PTK2: variants seen among roughly 807,000 people sequenced by gnomAD.
The protein encoded by PTK2 is protein tyrosine kinase 2.
Under a neutral mutation model 150.1 loss-of-function variants are expected in PTK2, and 45 were observed. That is an observed-to-expected ratio of 0.30 (90% CI 0.24 to 0.38). The LOEUF (loss-of-function observed/expected upper bound fraction) is 0.38. Ranked by LOEUF, PTK2 falls within the 10% of genes least tolerant of loss-of-function variation. The pLI is 1.00. For synonymous variants in PTK2, 432 were observed against 449.2 expected, an observed-to-expected ratio of 0.96 and a Z score of 0.48; for missense variants, 919 against 1,307.3, an observed-to-expected ratio of 0.70 and a Z score of 4.58.
At chr8:140,673,217 C>T (rs13273349) in intron 29 of PTK2, among the ~76,000 whole-genome samples, 1 of 152,008 alleles carries the variant, frequency 6.6e-6, no homozygotes, top group Non-Finnish European at 1.5e-5. Context: ...AAGTGATTCT[C>T]CTGCCTCAGC....
intron 27 of PTK2, among the ~76,000 whole-genome samples, chr8:140,679,977 G>A (rs900418710): frequency 6.6e-6 from 1 of 152,202 alleles, no homozygotes; most frequent in Non-Finnish European, 1.5e-5. Context: ...AGGCAGTGAA[G>A]TCTGTTGAGC....
intron 7 of PTK2, among the ~76,000 whole-genome samples, chr8:140,834,835 C>G (rs941216416): frequency 6.6e-6 from 1 of 152,228 alleles, no homozygotes; most frequent in Admixed American, 6.5e-5. Flanking sequence ...ATTTAGAACA[C>G]TGCTGACTGA....
intron 14 of PTK2, among the ~76,000 whole-genome samples, chr8:140,775,155 A>C (rs2100077681): frequency 6.6e-6 from 1 of 152,146 alleles, no homozygotes; most frequent in African/African-American, 2.4e-5. Context: ...AGGTAACACC[A>C]TGGTATTTCC....
intron 17 of PTK2, among the ~76,000 whole-genome samples, chr8:140,751,495 T>C (rs1375665662): frequency 6.6e-6 from 1 of 151,478 alleles, no homozygotes; most frequent in African/African-American, 2.4e-5. Context: ...TTTTTCTTTC[T>C]TTCTTTTTTT....
chr8:140,927,948 AAAAAAAAAAG>A (rs1185765028), intron 1 of PTK2, among the ~76,000 whole-genome samples: 7 of 108,290 alleles, frequency 6.5e-5, no homozygotes, highest in Non-Finnish European at 1.2e-4. Context: ...AAGAAAAAAA[AAAAAAAAAAG>A]AAAAAAAAAA....
intron 13 of PTK2, among the ~76,000 whole-genome samples, chr8:140,790,469 T>C (rs778575070): frequency 6.6e-6 from 1 of 152,236 alleles, no homozygotes; most frequent in Non-Finnish European, 1.5e-5. Flanking sequence ...ATAACTTTGT[T>C]CATGAAACAA....
chr8:140,743,780 C>CT (rs1187773634), intron 19 of PTK2, among the ~76,000 whole-genome samples: 3,190 of 138,884 alleles, frequency 0.023, 36 homozygotes, highest in African/African-American at 0.043. Flanking sequence ...TTTTTCTTTT[C>CT]TTTTTTTTTT....
intron 2 of PTK2, among the ~76,000 whole-genome samples, chr8:140,914,734 G>A (rs948829562): frequency 2.0e-5 from 3 of 151,878 alleles, no homozygotes; most frequent in South Asian, 4.2e-4. Flanking sequence ...TCATTTATCC[G>A]TTTAAAGTAA....
chr8:140,769,109 A>G (rs1239109976), intron 14 of PTK2, among the ~76,000 whole-genome samples: 1 of 152,172 alleles, frequency 6.6e-6, no homozygotes, highest in Non-Finnish European at 1.5e-5. Flanking sequence ...TGAAAAACCA[A>G]TTATCATTAT....
chr8:140,833,584 C>T (rs2100116852), intron 7 of PTK2, among the ~76,000 whole-genome samples: 1 of 152,190 alleles, frequency 6.6e-6, no homozygotes, highest in African/African-American at 2.4e-5. Context: ...GACTGGTTTA[C>T]AATGTGCACT....
chr8:140,895,676 T>C (rs985951904), intron 2 of PTK2, among the ~76,000 whole-genome samples: 2 of 152,282 alleles, frequency 1.3e-5, no homozygotes, highest in South Asian at 2.1e-4. Flanking sequence ...CTAGGCATTA[T>C]GGTCAATAAA....
chr8:140,842,234 C>T (rs1234131247), intron 7 of PTK2, among the ~76,000 whole-genome samples: 1 of 151,972 alleles, frequency 6.6e-6, no homozygotes. Flanking sequence ...TTTTCTCTAA[C>T]TAGAATGTAT....
intron 1 of PTK2, among the ~76,000 whole-genome samples, chr8:140,999,628 T>C (rs2100199212): frequency 1.3e-5 from 2 of 152,266 alleles, no homozygotes; most frequent in Admixed American, 1.3e-4. Context: ...AGTTTACTTT[T>C]ATGTGTCTTG....
chr8:140,904,157 T>C (rs1185677230), intron 2 of PTK2, among the ~76,000 whole-genome samples: 4 of 152,208 alleles, frequency 2.6e-5, no homozygotes, highest in Non-Finnish European at 2.9e-5. Flanking sequence ...TAGCTCTTAT[T>C]ATTTTGAGAT....
intron 8 of PTK2, chr8:140,821,068 T>C (rs1255279021): frequency 6.6e-6 from 1 of 152,308 alleles, no homozygotes; most frequent in African/African-American, 2.4e-5. Flanking sequence ...ACAGGAGCTA[T>C]GGTCAGAGAG....
At chr8:140,761,745 A>C (rs2100069553) in intron 15 of PTK2, among the ~76,000 whole-genome samples, 1 of 152,120 alleles carries the variant, frequency 6.6e-6, no homozygotes, top group African/African-American at 2.4e-5. Flanking sequence ...TGAAAGTTTA[A>C]GAGTTTTCCA....
chr8:140,765,073 T>C (rs966477020), intron 14 of PTK2: 12 of 152,198 alleles, frequency 7.9e-5, no homozygotes, highest in Admixed American at 7.9e-4. Flanking sequence ...GTAACACCTA[T>C]ACTGAAAAAA....
At chr8:140,700,722 T>C (rs2100029732) in intron 26 of PTK2, 169 bp downstream of exon 29, 11 of 700,222 alleles carry the variant, frequency 1.6e-5, no homozygotes, top group Middle Eastern at 8.4e-4. Context: ...GTGATCTGCT[T>C]GCCTCAGCCT....
chr8:140,945,948 A>G (rs1182787070), intron 1 of PTK2, among the ~76,000 whole-genome samples: 1 of 152,098 alleles, frequency 6.6e-6, no homozygotes, highest in African/African-American at 2.4e-5. Flanking sequence ...TTTTTCAATC[A>G]GTATTTTCTA....
Sources: gnomAD v4.1 joint callset for allele counts (sites outside exome capture counted in the v4.1 genomes callset) on GRCh38, gnomAD v4.1.1 for gene constraint, MANE v1.5 for transcripts, NCBI Gene and HGNC (gene_info 2026-07-23, HGNC 2026-07-21) for gene names.